The following FAR1 variants were observed in gnomAD, a reference collection of about 807,000 sequenced individuals.
FAR1 encodes fatty acyl-CoA reductase 1, also known as male sterility domain-containing protein 2.
Under a neutral mutation model 61.1 loss-of-function variants are expected in FAR1, and 22 were observed. The ratio of observed to expected loss-of-function variants is 0.36; its 90% CI spans 0.26 to 0.51. The LOEUF is 0.51. Ranked by LOEUF, FAR1 falls within the 20% of genes least tolerant of loss-of-function variation. The probability of loss-of-function intolerance (pLI) is 0.95; values close to 1 mark genes in which losing one functional copy is unlikely to be tolerated. For synonymous variants in FAR1, 206 were observed against 209.7 expected (o/e 0.98, Z 0.15); for missense variants, 359 against 626.9 (o/e 0.57, Z 4.56).
intron 10 of FAR1, chr11:13,723,421 C>A (rs1275727171): frequency 2.5e-6 from 1 of 396,330 alleles, no homozygotes; most frequent in Non-Finnish European, 4.8e-6. Context: ...TTCTGTCTTA[C>A]ATTTTTGCTG....
At chr11:13,679,925 C>G (rs1414836492) in intron 1 of FAR1, among the ~76,000 whole-genome samples, 2 of 152,032 alleles carry the variant, frequency 1.3e-5, no homozygotes, top group African/African-American at 4.8e-5. Context: ...TTCCTTACTA[C>G]CGAGAAGTGC....
chr11:13,669,884 TA>T (rs5789795), intron 1 of FAR1, among the ~76,000 whole-genome samples: 83,673 of 150,764 alleles, frequency 0.55, 23,368 homozygotes, highest in Non-Finnish European at 0.58. Flanking sequence ...TTCTTTATGT[TA>T]AAAAAAAAAG....
chr11:13,692,725 A>AT (rs1309798267), intron 1 of FAR1, among the ~76,000 whole-genome samples: 1 of 151,976 alleles, frequency 6.6e-6, no homozygotes, highest in Non-Finnish European at 1.5e-5. Flanking sequence ...TATTTACTGG[A>AT]TTTTGTACTT....
intron 1 of FAR1, among the ~76,000 whole-genome samples, chr11:13,691,278 G>A (rs1407960561): frequency 6.6e-6 from 1 of 152,148 alleles, no homozygotes; most frequent in East Asian, 1.9e-4. Flanking sequence ...CTTTTATGAG[G>A]CCCTTAATCC....
chr11:13,713,797 C>A (rs1454698271), intron 8 of FAR1, among the ~76,000 whole-genome samples: 2 of 151,874 alleles, frequency 1.3e-5, no homozygotes, highest in African/African-American at 4.8e-5. Flanking sequence ...ACCATTAGAG[C>A]ATATAAGAAA....
intron 1 of FAR1, among the ~76,000 whole-genome samples, chr11:13,683,544 T>G (rs984198903): frequency 4.6e-5 from 7 of 152,166 alleles, no homozygotes; most frequent in African/African-American, 1.7e-4. Context: ...GTTTTTTGTT[T>G]TTTTTTAACA....
chr11:13,693,795 C>T (rs1210896373), intron 1 of FAR1, among the ~76,000 whole-genome samples: 2 of 150,582 alleles, frequency 1.3e-5, no homozygotes, highest in African/African-American at 5.0e-5. Flanking sequence ...TGTTTCTTTT[C>T]TTTCTTCCTT....
At chr11:13,672,753 C>T (rs893332292) in intron 1 of FAR1, among the ~76,000 whole-genome samples, 1 of 152,110 alleles carries the variant, frequency 6.6e-6, no homozygotes, top group Non-Finnish European at 1.5e-5. Context: ...CTGATGGAAA[C>T]TGAAACTGTA....
chr11:13,711,977 C>T lies in FAR1; in HGVS notation c.818C>T (p.Ala273Val). 6.2e-7 allele frequency: 1 copy of T among 1,613,388 alleles called. No individual in the cohort carries two copies. Among genetic ancestry groups the T allele is most frequent in the Non-Finnish European group, 8.5e-7 (1 of 1,179,512 alleles). ...RTIRASNNAL[A>V]DLVPVDVVVN... ...ATACGTGCCTCCAACAATGCCCTTG[C>T]AGATCTTGTTCCTGTAGATGTAGTT... The change falls in exon 7 of 12, where the codon GCA (alanine) becomes GTA (valine). Residue 273 changes from alanine (A) to valine (V), a missense_variant. Coordinates refer to ENST00000354817, the MANE Select transcript of FAR1 (RefSeq NM_032228.6).
intron 1 of FAR1, among the ~76,000 whole-genome samples, chr11:13,681,890 C>T (rs1848131426): frequency 6.6e-6 from 1 of 152,052 alleles, no homozygotes; most frequent in African/African-American, 2.4e-5. Flanking sequence ...AAATTCTGTG[C>T]TTTTTTATTA....
Position 13,700,511 on chromosome 11 carries a change from A to G in FAR1, c.365+19A>G. The G allele has an allele frequency of 5.1e-6, 7 of 1,380,098 alleles. No homozygotes were observed. The highest frequency in any genetic ancestry group is 6.8e-6 in the Non-Finnish European group (7 of 1,029,902). The allele number at this position is 1,380,098 out of a possible 1,614,324, so 85.5% of individuals were successfully genotyped here. A position where few individuals can be genotyped will look rare whatever the true frequency, so the allele number is the denominator to read the frequency against. On this transcript the variant is annotated intron_variant, in intron 3 of 11. Transcript: ENST00000354817. Reference sequence around the variant, plus strand: ...ATTTAAGGTAAGTACAAGTAATTATATAATATTTGAACTTCAGTATAGTTA... The same window carrying G: ...ATTTAAGGTAAGTACAAGTAATTATGTAATATTTGAACTTCAGTATAGTTA...
rs150400003 is a variant in FAR1 at position 13,727,591 on chromosome 11, A to G, written c.1293A>G (p.Ala431=). The change falls in exon 11 of 12, where the codon GCA becomes GCG. Residue 431 remains alanine (A), a synonymous_variant. Transcript: ENST00000354817. The part of the protein sequence containing the change: ...FNIDVRQLHW[A]EYIENYCLGT... ...TTGATGTACGGCAGTTACATTGGGC[A>G]GAATATATAGAGAACTACTGCTTGG... is the stretch of plus-strand genomic sequence containing the variant. The G allele has an allele frequency of 1.2e-6, 2 of 1,609,858 alleles. No homozygotes were observed. Among genetic ancestry groups the G allele is most frequent in the African/African-American group, 1.3e-5 (1 of 74,706 alleles).
chr11:13,717,768 T>C (rs1379625619), intron 9 of FAR1, among the ~76,000 whole-genome samples: 1 of 152,176 alleles, frequency 6.6e-6, no homozygotes, highest in African/African-American at 2.4e-5. Flanking sequence ...CCATAGACAA[T>C]AGGCAAATGA....
chr11:13,707,992 C>T lies in FAR1; in HGVS notation c.458C>T (p.Thr153Ile). ...CTGGAAGTGTTCATGCATGTATCAA[C>T]AGCATATGCCTACTGTAATCGCAAG... ...KNLEVFMHVS[T>I]AYAYCNRKHI... The change falls in exon 4 of 12, where the codon ACA (threonine) becomes ATA (isoleucine). Residue 153 changes from threonine to isoleucine, a missense_variant. This residue lies in a region of FAR1 where 344 missense variants were observed against 570.3 expected (regional missense o/e 0.60). Coordinates refer to ENST00000354817, the MANE Select transcript of FAR1 (RefSeq NM_032228.6). 6.2e-7 allele frequency: 1 copy of T among 1,608,994 alleles called. No homozygotes were observed. The highest frequency in any genetic ancestry group is 8.5e-7 in the Non-Finnish European group (1 of 1,177,144).
intron 4 of FAR1, among the ~76,000 whole-genome samples, chr11:13,709,639 A>T (rs1848476172): frequency 6.6e-6 from 1 of 151,958 alleles, no homozygotes; most frequent in Non-Finnish European, 1.5e-5. Flanking sequence ...CTCATGTATC[A>T]ACTATCCCTT....
chr11:13,689,647 A>G (rs1848225894), intron 1 of FAR1, among the ~76,000 whole-genome samples: 1 of 152,172 alleles, frequency 6.6e-6, no homozygotes, highest in Non-Finnish European at 1.5e-5. Flanking sequence ...TATTGGGTAT[A>G]TAATCAAGAG....
At chr11:13,694,058 A>G (rs1270795901) in intron 1 of FAR1, among the ~76,000 whole-genome samples, 1 of 152,178 alleles carries the variant, frequency 6.6e-6, no homozygotes, top group Non-Finnish European at 1.5e-5. Flanking sequence ...AGCTTTTTGT[A>G]GTGACATAAT....
chr11:13,708,465 A>T, intron 4 of FAR1, among the ~76,000 whole-genome samples: 1 of 147,892 alleles, frequency 6.8e-6, no homozygotes, highest in African/African-American at 2.5e-5. Flanking sequence ...ACACACACAC[A>T]CACACACACA....
intron 4 of FAR1, among the ~76,000 whole-genome samples, chr11:13,709,738 A>T (rs946294983): frequency 2.6e-5 from 4 of 151,924 alleles, no homozygotes; most frequent in Admixed American, 6.6e-5. Flanking sequence ...TTTTCCTTTC[A>T]TATACAAAAA....
Sources: gnomAD v4.1 joint callset for allele counts (sites outside exome capture counted in the v4.1 genomes callset) on GRCh38, gnomAD v4.1.1 for gene constraint, gnomAD v4.1.1 regional missense constraint, MANE v1.5 for transcripts, NCBI Gene and HGNC (gene_info 2026-07-23, HGNC 2026-07-21) for gene names.